The following MIR2052HG variants were observed in gnomAD, a reference collection of about 807,000 sequenced individuals.
MIR2052HG encodes MIR2052 host gene.
intron 2 of MIR2052HG, among the ~76,000 whole-genome samples, chr8:74,676,083 A>C (rs1053978435): frequency 2.0e-5 from 3 of 152,072 alleles, no homozygotes; most frequent in Non-Finnish European, 4.4e-5. Flanking sequence ...TGCTAAGAGA[A>C]AAATCAATTA....
intron 2 of MIR2052HG, among the ~76,000 whole-genome samples, chr8:74,669,629 A>G (rs1406844816): frequency 6.6e-6 from 1 of 152,074 alleles, no homozygotes; most frequent in African/African-American, 2.4e-5. Flanking sequence ...TAGGCTCACT[A>G]CTTCTCAGGC....
chr8:74,624,159 AT>A (rs1563516036), intron 2 of MIR2052HG, among the ~76,000 whole-genome samples: 1 of 152,088 alleles, frequency 6.6e-6, no homozygotes, highest in East Asian at 1.9e-4. Flanking sequence ...CTGATTTTCC[AT>A]TTTTTTCCGG....
intron 2 of MIR2052HG, among the ~76,000 whole-genome samples, chr8:74,638,406 A>T (rs1808605216): frequency 6.6e-6 from 1 of 152,210 alleles, no homozygotes; most frequent in African/African-American, 2.4e-5. Context: ...GAACTTACAT[A>T]AACAACTTTA....
At chr8:74,711,439 T>C (rs1384612762) in intron 4 of MIR2052HG, among the ~76,000 whole-genome samples, 1 of 152,204 alleles carries the variant, frequency 6.6e-6, no homozygotes, top group African/African-American at 2.4e-5. Context: ...AGATTTTATA[T>C]AATAGTAGGC....
At position 74,713,996 on chromosome 8, in the gene MIR2052HG, A is replaced by C. The variant is rs111575860; in HGVS notation, n.371+10314A>C. 1.7e-4 allele frequency among the ~76,000 whole-genome samples: 26 copies of C among 152,196 alleles called. 3 individuals are homozygous for C. The highest frequency in any genetic ancestry group is 6.0e-4 in the African/African-American group (25 of 41,514). On this transcript the variant is annotated intron_variant and non_coding_transcript_variant, in intron 4 of 6. Transcript: ENST00000523442. ...AGAAAAGTTCATGAAATCCTAAGAG[A>C]GTCTCCTAAGAGACTCTCTCTTAGG...
intron 2 of MIR2052HG, among the ~76,000 whole-genome samples, chr8:74,685,470 G>A (rs1809170365): frequency 6.6e-6 from 1 of 152,046 alleles, no homozygotes; most frequent in Non-Finnish European, 1.5e-5. Context: ...CTTTGAAAAT[G>A]TTCACAACCA....
chr8:74,696,839 A>G (rs1475234399), intron 2 of MIR2052HG, among the ~76,000 whole-genome samples: 2 of 147,266 alleles, frequency 1.4e-5, no homozygotes, highest in Non-Finnish European at 3.0e-5. Flanking sequence ...AAAATGCCAC[A>G]AAAAAAAAAG....
chr8:74,645,652 A>G (rs1424207928), intron 2 of MIR2052HG, among the ~76,000 whole-genome samples: 1 of 152,208 alleles, frequency 6.6e-6, no homozygotes, highest in Non-Finnish European at 1.5e-5. Context: ...GTGACTGCTA[A>G]TGCTTATGAA....
chr8:74,752,017 A>G (rs1809951823), intron 4 of MIR2052HG, among the ~76,000 whole-genome samples: 1 of 152,184 alleles, frequency 6.6e-6, no homozygotes, highest in East Asian at 1.9e-4. Context: ...GCATAGTCAT[A>G]CATCTGTAAT....
At chr8:74,729,557 ATTTC>A (rs1018727402) in intron 4 of MIR2052HG, among the ~76,000 whole-genome samples, 4 of 152,144 alleles carry the variant, frequency 2.6e-5, no homozygotes, top group East Asian at 1.9e-4. Flanking sequence ...TCTAATGGGT[ATTTC>A]TTCTATATGA....
At chr8:74,712,549 A>G (rs912822742) in intron 4 of MIR2052HG, among the ~76,000 whole-genome samples, 1 of 152,184 alleles carries the variant, frequency 6.6e-6, no homozygotes, top group Non-Finnish European at 1.5e-5. Context: ...TAGGGAAGTT[A>G]AATGTTTTGT....
chr8:74,669,212 A>G (rs1167471801), intron 2 of MIR2052HG, among the ~76,000 whole-genome samples: 1 of 152,186 alleles, frequency 6.6e-6, no homozygotes, highest in East Asian at 1.9e-4. Flanking sequence ...GATGAATATC[A>G]CTGCCAGTCA....
chr8:74,730,636 A>G (rs1395860343), intron 4 of MIR2052HG, among the ~76,000 whole-genome samples: 1 of 152,182 alleles, frequency 6.6e-6, no homozygotes. Flanking sequence ...GTAGGAGTAG[A>G]TATTGGCATA....
At chr8:74,700,420 T>C (rs1315920813) in intron 2 of MIR2052HG, among the ~76,000 whole-genome samples, 2 of 152,178 alleles carry the variant, frequency 1.3e-5, no homozygotes, top group African/African-American at 4.8e-5. Flanking sequence ...ATGAGCCGTA[T>C]ATGTCATGTA....
At chr8:74,727,790 T>C (rs1809652048) in intron 4 of MIR2052HG, among the ~76,000 whole-genome samples, 1 of 152,152 alleles carries the variant, frequency 6.6e-6, no homozygotes, top group Admixed American at 6.5e-5. Flanking sequence ...TGGGGTGTGT[T>C]TGGATTATTT....
chr8:74,742,419 T>A (rs1476933601), intron 4 of MIR2052HG, among the ~76,000 whole-genome samples: 1 of 152,180 alleles, frequency 6.6e-6, no homozygotes, highest in Non-Finnish European at 1.5e-5. Context: ...ATTAAACAGG[T>A]TATCTACTTT....
chr8:74,754,284 C>T (rs1367341424), intron 5 of MIR2052HG, among the ~76,000 whole-genome samples: 4 of 152,298 alleles, frequency 2.6e-5, no homozygotes, highest in Admixed American at 1.3e-4. Context: ...CCATTGACCT[C>T]TTAGCAGCAT....
intron 2 of MIR2052HG, among the ~76,000 whole-genome samples, chr8:74,652,733 A>C (rs547187212): frequency 1.3e-5 from 2 of 152,198 alleles, no homozygotes; most frequent in African/African-American, 4.8e-5. Flanking sequence ...CAAATAGGCT[A>C]TTCATACTTG....
At chr8:74,624,184 C>G (rs1402843894) in intron 2 of MIR2052HG, among the ~76,000 whole-genome samples, 1 of 152,198 alleles carries the variant, frequency 6.6e-6, no homozygotes, top group Non-Finnish European at 1.5e-5. Context: ...CAATTAGCCA[C>G]AAACTGTTGT....
Sources: allele counts gnomAD v4.1 joint callset (sites outside exome capture counted in the v4.1 genomes callset), GRCh38; gene constraint gnomAD v4.1.1; transcripts MANE v1.5; gene names NCBI Gene and HGNC (gene_info 2026-07-23, HGNC 2026-07-21).